Variants in ROR1 observed in about 807,000 individuals in gnomAD.
ROR1 encodes the protein ROR family WNT receptor 1.
Under a neutral mutation model 78.8 loss-of-function variants are expected in ROR1, and 19 were observed. The ratio of observed to expected loss-of-function variants is 0.24; its 90% CI spans 0.17 to 0.35. ROR1 has a LOEUF of 0.35. ROR1 is among the 10% of genes least tolerant of loss of function. The pLI is 1.00. For synonymous variants in ROR1, 386 were observed against 433.6 expected (o/e 0.89, Z 1.36); for missense variants, 917 against 1,177.8 (o/e 0.78, Z 3.24).
At chr1:63,944,389 G>C (rs563364970) in intron 1 of ROR1, among the ~76,000 whole-genome samples, 1 of 152,316 alleles carries the variant, frequency 6.6e-6, no homozygotes, top group African/African-American at 2.4e-5. Context: ...GATCCAATCG[G>C]CAGATAATCC....
chr1:63,774,306 T>C lies in ROR1; in HGVS notation c.-112T>C. ...AAGAGCTTTGCAGACGTCCCCGGCG[T>C]CCTGCGAGCGCCAGCGGCCGGGACG... On this transcript the variant is annotated 5_prime_UTR_variant, in exon 1 of 9. Transcript: ENST00000371079. This position sits in a 1 kb window ranked among gnomAD's most constrained non-coding sequence, Gnocchi z 5.7. The C allele has an allele frequency of 1.8e-6, 1 of 562,942 alleles. No homozygotes were observed. The highest frequency in any genetic ancestry group is 2.7e-6 in the Non-Finnish European group (1 of 369,014). The allele number at this position is 562,942 out of a possible 1,614,324, so 34.9% of individuals were successfully genotyped here. A position where few individuals can be genotyped will look rare whatever the true frequency, so the allele number is the denominator to read the frequency against.
At chr1:64,090,927 T>A (rs1052142983) in intron 4 of ROR1, among the ~76,000 whole-genome samples, 8 of 152,208 alleles carry the variant, frequency 5.3e-5, no homozygotes, top group African/African-American at 1.9e-4. Flanking sequence ...ATTGTCATCA[T>A]GGACATTTTT....
chr1:63,992,627 CA>C (rs1171520539), intron 1 of ROR1, among the ~76,000 whole-genome samples: 1 of 152,156 alleles, frequency 6.6e-6, no homozygotes, highest in Non-Finnish European at 1.5e-5. Context: ...CACTGGTGAA[CA>C]GGGGAAAGAA....
rs112404920 is a variant in ROR1, at chr1:64,026,034, T to C, written c.163+16658T>C. Among the ~76,000 whole-genome samples, 587 of 152,318 alleles carry C rather than the reference T, an allele frequency of 3.9e-3. 5 individuals carry two copies. Among genetic ancestry groups the C allele is most frequent in the Middle Eastern group, 0.014 (4 of 292 alleles). ...ATGGAAATAATTTTTTAAGTGGCGTTTCCTTCTAGCTCAACACTTTCTTAA... is the reference window on the plus strand; with the variant it reads ...ATGGAAATAATTTTTTAAGTGGCGTCTCCTTCTAGCTCAACACTTTCTTAA... On this transcript the variant is annotated intron_variant, in intron 2 of 8. Transcript: ENST00000371079.
intron 1 of ROR1, among the ~76,000 whole-genome samples, chr1:63,921,136 C>G (rs1309028310): frequency 6.6e-6 from 1 of 152,162 alleles, no homozygotes; most frequent in African/African-American, 2.4e-5. Context: ...CGAAGTAACT[C>G]GGTAATCACC....
At chr1:63,861,577 G>C (rs937936169) in intron 1 of ROR1, among the ~76,000 whole-genome samples, 1 of 152,166 alleles carries the variant, frequency 6.6e-6, no homozygotes, top group Non-Finnish European at 1.5e-5. Flanking sequence ...CACTGCAGCC[G>C]AGCACGTTGA....
intron 1 of ROR1, among the ~76,000 whole-genome samples, chr1:63,801,358 G>A (rs917084994): frequency 6.6e-6 from 1 of 152,042 alleles, no homozygotes; most frequent in African/African-American, 2.4e-5. Flanking sequence ...GCAGTGGCAT[G>A]ATCTCGGCTT....
chr1:63,961,893 C>T (rs1428681226), intron 1 of ROR1, among the ~76,000 whole-genome samples: 1 of 152,108 alleles, frequency 6.6e-6, no homozygotes, highest in Non-Finnish European at 1.5e-5. Flanking sequence ...GATGGATATT[C>T]CAACTACCCT....
intron 2 of ROR1, among the ~76,000 whole-genome samples, chr1:64,025,245 A>G (rs1052337687): frequency 2.0e-5 from 3 of 152,166 alleles, no homozygotes; most frequent in African/African-American, 4.8e-5. Context: ...GGAATCTCCA[A>G]GTTGAATGAC....
At chr1:64,113,148 T>C (rs1648177472) in intron 4 of ROR1, among the ~76,000 whole-genome samples, 1 of 152,206 alleles carries the variant, frequency 6.6e-6, no homozygotes, top group Admixed American at 6.5e-5. Flanking sequence ...CTTTTGTTTC[T>C]CTTTGTTCTG....
chr1:63,922,300 G>A lies in ROR1; in HGVS notation c.92-87005G>A, dbSNP rs541241726. On this transcript the variant is annotated intron_variant, in intron 1 of 8. Transcript: ENST00000371079. Reference sequence around the variant, plus strand: ...AAATTGTTCCAATTTCATAGATGAGGCACCTAAAGCTCAGACAGGCTCACT... The same window carrying A: ...AAATTGTTCCAATTTCATAGATGAGACACCTAAAGCTCAGACAGGCTCACT... 2.0e-5 allele frequency among the ~76,000 whole-genome samples: 3 copies of A among 152,298 alleles called. No homozygotes were observed. The East Asian group carries it at 5.8e-4, about 29-fold the overall frequency.
At chr1:63,897,402 C>G (rs927628080) in intron 1 of ROR1, among the ~76,000 whole-genome samples, 1 of 152,178 alleles carries the variant, frequency 6.6e-6, no homozygotes, top group Non-Finnish European at 1.5e-5. Context: ...ATCTCCCTAT[C>G]TGAGAGTGGG....
At chr1:64,159,352 A>G (rs558947166) in intron 8 of ROR1, among the ~76,000 whole-genome samples, 160 bp downstream of exon 8, 49 of 152,298 alleles carry the variant, frequency 3.2e-4, no homozygotes, top group African/African-American at 1.1e-3. Context: ...ACCTACCTCT[A>G]TCTAAACCAA....
At chr1:64,128,274 G>A (rs1648784390) in intron 4 of ROR1, among the ~76,000 whole-genome samples, 1 of 106,788 alleles carries the variant, frequency 9.4e-6, no homozygotes, top group African/African-American at 3.7e-5. Context: ...GGGCAACATA[G>A]CAAGACCCTG....
chr1:64,144,873 T>G (rs1239297557), intron 7 of ROR1, among the ~76,000 whole-genome samples: 3 of 152,196 alleles, frequency 2.0e-5, no homozygotes, highest in South Asian at 2.1e-4. Context: ...TGGGTTCTCA[T>G]GTTTAAGTGC....
At chr1:63,977,195 G>A (rs1646168732) in intron 1 of ROR1, among the ~76,000 whole-genome samples, 1 of 152,144 alleles carries the variant, frequency 6.6e-6, no homozygotes. Flanking sequence ...CATGACACAT[G>A]GGGAATTATG....
At chr1:64,015,700 C>T (rs1646515706) in intron 2 of ROR1, among the ~76,000 whole-genome samples, 2 of 152,126 alleles carry the variant, frequency 1.3e-5, no homozygotes, top group South Asian at 4.2e-4. Context: ...TGGCACGTGG[C>T]AAGCTGATGA....
chr1:63,952,188 A>G (rs1645945277), intron 1 of ROR1, among the ~76,000 whole-genome samples: 2 of 152,130 alleles, frequency 1.3e-5, no homozygotes, highest in Non-Finnish European at 1.5e-5. Context: ...TTCTGGTCTG[A>G]GCTGAGATCT....
At chr1:63,885,712 G>A (rs1431344084) in intron 1 of ROR1, among the ~76,000 whole-genome samples, 3 of 152,226 alleles carry the variant, frequency 2.0e-5, no homozygotes, top group African/African-American at 7.2e-5. Flanking sequence ...TTTCTCCCAA[G>A]AGTAGGTGCC....
Sources: gnomAD v4.1 joint callset for allele counts (sites outside exome capture counted in the v4.1 genomes callset) on GRCh38, gnomAD v4.1.1 for gene constraint, Gnocchi (gnomAD v3.1) non-coding constraint, MANE v1.5 for transcripts, NCBI Gene and HGNC (gene_info 2026-07-23, HGNC 2026-07-21) for gene names.